PLPP1: variants seen among roughly 807,000 people sequenced by gnomAD.
The protein encoded by PLPP1 is phospholipid phosphatase 1, also known as lipid phosphate phosphohydrolase 1a.
A neutral mutation model predicts 31.2 loss-of-function variants in PLPP1; 24 were observed. The ratio of observed to expected loss-of-function variants is 0.77; its 90% CI spans 0.56 to 1.08. The LOEUF is 1.08. PLPP1 is among the 50% of genes least tolerant of loss of function. The probability of loss-of-function intolerance (pLI) is 0.00; values close to 1 mark genes in which losing one functional copy is unlikely to be tolerated. For synonymous variants in PLPP1, 146 were observed against 126.3 expected, an observed-to-expected ratio of 1.16 and a Z score of -1.05; for missense variants, 319 against 342.7, an observed-to-expected ratio of 0.93 and a Z score of 0.55.
chr5:55,467,599 C>T (rs560708853), intron 3 of PLPP1, among the ~76,000 whole-genome samples: 1 of 151,470 alleles, frequency 6.6e-6, no homozygotes, highest in Admixed American at 6.6e-5. Flanking sequence ...AGTTTGCTGA[C>T]TCTAGCCTAA....
At chr5:55,479,022 GAT>G (rs1491118712) in intron 1 of PLPP1, among the ~76,000 whole-genome samples, 2 of 124,038 alleles carry the variant, frequency 1.6e-5, no homozygotes, top group African/African-American at 5.7e-5. Flanking sequence ...AAGCCTATGA[GAT>G]TTTTTTTTTT....
chr5:55,452,612 C>T (rs1751916641), intron 3 of PLPP1, among the ~76,000 whole-genome samples: 1 of 152,210 alleles, frequency 6.6e-6, no homozygotes, highest in Non-Finnish European at 1.5e-5. Flanking sequence ...ATCAGCTCCA[C>T]ACCTCTCTTT....
At chr5:55,475,605 G>A (rs6888824) in intron 1 of PLPP1, among the ~76,000 whole-genome samples, 155 bp from the exon 2 acceptor site, 135,646 of 152,306 alleles carry the variant, frequency 0.89, 60,573 homozygotes, top group Admixed American at 0.92. Context: ...TGCATGCAAC[G>A]GAAGTTAGAA....
chr5:55,506,783 T>C (rs908641872), intron 1 of PLPP1, among the ~76,000 whole-genome samples: 7 of 152,222 alleles, frequency 4.6e-5, no homozygotes, highest in Non-Finnish European at 8.8e-5. Context: ...ACAGTTACTT[T>C]TGTGAAGTTT....
chr5:55,516,197 T>C (rs904634179), intron 1 of PLPP1, among the ~76,000 whole-genome samples: 7 of 152,150 alleles, frequency 4.6e-5, no homozygotes, highest in African/African-American at 1.7e-4. Context: ...CTGAAATGTA[T>C]CTACTTTTCT....
chr5:55,446,519 G>T (rs1751768575), intron 3 of PLPP1, among the ~76,000 whole-genome samples: 1 of 152,006 alleles, frequency 6.6e-6, no homozygotes, highest in Non-Finnish European at 1.5e-5. Context: ...TGAGAGTTTA[G>T]GTAATTTGTT....
intron 1 of PLPP1, among the ~76,000 whole-genome samples, chr5:55,520,761 T>C (rs1338537920): frequency 6.6e-6 from 1 of 152,228 alleles, no homozygotes; most frequent in African/African-American, 2.4e-5. Context: ...ATTAGAGTGT[T>C]TTCACCTATT....
intron 3 of PLPP1, among the ~76,000 whole-genome samples, chr5:55,455,282 T>C (rs947423501): frequency 5.9e-5 from 9 of 152,054 alleles, no homozygotes; most frequent in African/African-American, 2.2e-4. Context: ...TTCCATACTG[T>C]ACTATCACAA....
intron 3 of PLPP1, among the ~76,000 whole-genome samples, chr5:55,445,039 C>T (rs539089212): frequency 6.6e-6 from 1 of 152,170 alleles, no homozygotes; most frequent in Non-Finnish European, 1.5e-5. Flanking sequence ...CGTGAGCCAC[C>T]GCGCCTAGCC....
intron 2 of PLPP1, among the ~76,000 whole-genome samples, chr5:55,473,004 T>C (rs1175943208): frequency 1.3e-5 from 2 of 152,220 alleles, no homozygotes; most frequent in Non-Finnish European, 1.5e-5. Context: ...CAAGGCAGAA[T>C]TGAAAGACAG....
At chr5:55,532,838 T>C (rs1483096911) in intron 1 of PLPP1, among the ~76,000 whole-genome samples, 1 of 151,160 alleles carries the variant, frequency 6.6e-6, no homozygotes, top group Non-Finnish European at 1.5e-5. Flanking sequence ...GTGCTTGTAA[T>C]CCCAGCTACT....
At chr5:55,477,738 C>T (rs1579952108) in intron 1 of PLPP1, among the ~76,000 whole-genome samples, 1 of 152,162 alleles carries the variant, frequency 6.6e-6, no homozygotes. Context: ...ATAATTGAAA[C>T]TTTCACTGTC....
intron 1 of PLPP1, among the ~76,000 whole-genome samples, chr5:55,479,376 A>C (rs10940467): frequency 6.6e-6 from 1 of 152,112 alleles, no homozygotes; most frequent in Non-Finnish European, 1.5e-5. Flanking sequence ...ATTTTCACTA[A>C]CTATCTAAAC....
intron 3 of PLPP1, among the ~76,000 whole-genome samples, chr5:55,456,540 AC>A (rs1161626497): frequency 1.3e-5 from 2 of 152,250 alleles, no homozygotes; most frequent in Non-Finnish European, 2.9e-5. Flanking sequence ...AGAGCAGATT[AC>A]ACTATAATCC....
At chr5:55,451,829 G>A (rs1210334107) in intron 3 of PLPP1, among the ~76,000 whole-genome samples, 2 of 152,132 alleles carry the variant, frequency 1.3e-5, no homozygotes, top group Admixed American at 1.3e-4. Context: ...CCAAAGTGCT[G>A]GGATTATAGG....
chr5:55,522,886 T>A (rs1226931960), intron 1 of PLPP1, among the ~76,000 whole-genome samples: 1 of 152,040 alleles, frequency 6.6e-6, no homozygotes, highest in Admixed American at 6.5e-5. Context: ...GCCCAGCTAA[T>A]TTTTTGTATT....
chr5:55,454,153 T>C (rs541904964), intron 3 of PLPP1, among the ~76,000 whole-genome samples: 13 of 152,078 alleles, frequency 8.5e-5, no homozygotes, highest in Non-Finnish European at 1.5e-4. Context: ...CATGCAAAAG[T>C]TTATAAACAT....
At chr5:55,524,150 GAA>G (rs1472682507) in intron 1 of PLPP1, among the ~76,000 whole-genome samples, 1 of 152,164 alleles carries the variant, frequency 6.6e-6, no homozygotes, top group Admixed American at 6.5e-5. Context: ...CACAATGTTT[GAA>G]AAAGAGTTTA....
In PLPP1 at chr5:55,503,542, G is replaced by A. The variant is rs189194739; in HGVS notation, c.59-28092C>T. ...TGTAATCTCAGCACTTTGGGAGGCC[G>A]AGGCAGGCAGATCACCTGAGGTCAG... On this transcript the variant is annotated intron_variant, in intron 1 of 5. Coordinates refer to ENST00000307259, the MANE Select transcript of PLPP1 (RefSeq NM_003711.4). Among the ~76,000 whole-genome samples, 483 of 151,874 alleles carry A rather than the reference G, an allele frequency of 3.2e-3. 4 individuals carry two copies. The Middle Eastern group carries it at 0.041, about 13-fold the overall frequency.
Sources: allele counts gnomAD v4.1 joint callset (sites outside exome capture counted in the v4.1 genomes callset), GRCh38; gene constraint gnomAD v4.1.1; transcripts MANE v1.5; gene names NCBI Gene and HGNC (gene_info 2026-07-23, HGNC 2026-07-21).